The following CNTN1 variants were observed in gnomAD, a reference collection of about 807,000 sequenced individuals.
CNTN1 encodes the protein contactin 1, also known as contactin-1.
In CNTN1, 38 loss-of-function variants were observed where a neutral mutation model predicts 126.4. The observed-to-expected ratio is 0.30, with a 90% CI of 0.23 to 0.39. The LOEUF is 0.39. Among genes scored for constraint, CNTN1 ranks in the 10% least tolerant of loss-of-function variants. The pLI, the probability that CNTN1 is intolerant of heterozygous loss-of-function variation, is 1.00. For missense variants in CNTN1, 1,009 were observed against 1,248.4 expected (o/e 0.81, Z 2.89); for synonymous variants, 413 against 422.6 (o/e 0.98, Z 0.28).
rs1044278060 is a variant in CNTN1, at chr12:40,836,186, A to G, written c.-76-72171A>G. Among the ~76,000 whole-genome samples, 9 of 147,922 alleles carry G rather than the reference A, an allele frequency of 6.1e-5. No homozygotes were observed. In the East Asian group the frequency reaches 1.4e-3, roughly 22 times the overall value. On this transcript the variant is annotated intron_variant, in intron 1 of 23. Coordinates refer to ENST00000551295, the MANE Select transcript of CNTN1 (RefSeq NM_001843.4). ...TATAATCGTATATATGTGTATATATAGTATATATGTATAAATAATATATAT... is the reference window on the plus strand; with the variant it reads ...TATAATCGTATATATGTGTATATATGGTATATATGTATAAATAATATATAT...
intron 16 of CNTN1, among the ~76,000 whole-genome samples, chr12:40,981,552 T>G (rs1193561706): frequency 6.6e-6 from 1 of 152,116 alleles, no homozygotes; most frequent in Non-Finnish European, 1.5e-5. Flanking sequence ...CGGTTTGAAT[T>G]TCCTCAAAAC....
At chr12:40,722,005 T>C (rs1218007745) in intron 1 of CNTN1, among the ~76,000 whole-genome samples, 1 of 151,804 alleles carries the variant, frequency 6.6e-6, no homozygotes, top group Non-Finnish European at 1.5e-5. Context: ...AGTGCCGCAA[T>C]AAACATACGT....
At chr12:41,059,871 A>G (rs1949903182) in intron 23 of CNTN1, among the ~76,000 whole-genome samples, 2 of 152,214 alleles carry the variant, frequency 1.3e-5, no homozygotes, top group African/African-American at 4.8e-5. Context: ...CGAAAAATAT[A>G]AAAACTTAGC....
chr12:41,042,445 G>C (rs1949437344), intron 23 of CNTN1, among the ~76,000 whole-genome samples: 1 of 152,046 alleles, frequency 6.6e-6, no homozygotes, highest in African/African-American at 2.4e-5. Flanking sequence ...GCTTGGTGCA[G>C]AGCTGAGGTC....
intron 17 of CNTN1, among the ~76,000 whole-genome samples, chr12:41,008,023 C>G (rs186835907): frequency 2.0e-5 from 3 of 152,144 alleles, no homozygotes; most frequent in Non-Finnish European, 4.4e-5. Flanking sequence ...ATCGTTCCCC[C>G]CTCTGGAGTG....
chr12:40,759,465 CCTTTCT>C (rs1046858276), intron 1 of CNTN1, among the ~76,000 whole-genome samples: 2 of 150,658 alleles, frequency 1.3e-5, no homozygotes, highest in African/African-American at 4.9e-5. Context: ...CTTCCCTTTC[CCTTTCT>C]CTTTCTCTTT....
At chr12:40,830,388 G>C (rs1401093785) in intron 1 of CNTN1, among the ~76,000 whole-genome samples, 2 of 151,400 alleles carry the variant, frequency 1.3e-5, no homozygotes, top group East Asian at 3.9e-4. Flanking sequence ...AATCGTATTA[G>C]ATATAATTGG....
chr12:40,723,572 T>C (rs1942274627), intron 1 of CNTN1, among the ~76,000 whole-genome samples: 4 of 152,232 alleles, frequency 2.6e-5, no homozygotes, highest in Non-Finnish European at 5.9e-5. Context: ...AAGTGTTTTA[T>C]GAAACACTTG....
chr12:40,836,637 C>T (rs565671905), intron 1 of CNTN1, among the ~76,000 whole-genome samples: 1 of 152,178 alleles, frequency 6.6e-6, no homozygotes, highest in Admixed American at 6.5e-5. Context: ...GGATAACTTC[C>T]TCAATGAAGA....
intron 1 of CNTN1, among the ~76,000 whole-genome samples, chr12:40,788,082 C>T (rs1940094002): frequency 6.6e-6 from 1 of 152,074 alleles, no homozygotes; most frequent in South Asian, 2.1e-4. Context: ...ATTATATTAA[C>T]TCCAAACTTG....
intron 1 of CNTN1, among the ~76,000 whole-genome samples, chr12:40,786,431 C>G (rs974255116): frequency 1.3e-5 from 2 of 152,132 alleles, no homozygotes; most frequent in Non-Finnish European, 2.9e-5. Flanking sequence ...GTGTATGTCA[C>G]AGGGCTTTAC....
At chr12:40,977,801 GT>G (rs1306346560) in intron 15 of CNTN1, among the ~76,000 whole-genome samples, 1 of 150,530 alleles carries the variant, frequency 6.6e-6, no homozygotes, top group South Asian at 2.1e-4. Context: ...GTTTTGTTTT[GT>G]TTTGTTTTGT....
chr12:40,982,783 T>A (rs2074395551), intron 16 of CNTN1, among the ~76,000 whole-genome samples: 1 of 152,094 alleles, frequency 6.6e-6, no homozygotes, highest in South Asian at 2.1e-4. Context: ...GTAAGTCATG[T>A]GGTGATGAAT....
At chr12:41,064,427 A>T (rs1386421295) in intron 23 of CNTN1, among the ~76,000 whole-genome samples, 1 of 152,196 alleles carries the variant, frequency 6.6e-6, no homozygotes, top group African/African-American at 2.4e-5. Context: ...TATTTTATCC[A>T]ACTACTTTTC....
chr12:40,977,206 G>T (rs955750429), intron 15 of CNTN1, among the ~76,000 whole-genome samples: 3 of 152,108 alleles, frequency 2.0e-5, no homozygotes, highest in Non-Finnish European at 4.4e-5. Context: ...ATTGGCAATT[G>T]GTTGAAAGAG....
At chr12:41,051,524 G>A (rs1201925832) in intron 23 of CNTN1, among the ~76,000 whole-genome samples, 3 of 151,254 alleles carry the variant, frequency 2.0e-5, no homozygotes, top group African/African-American at 7.3e-5. Flanking sequence ...TAGACTGAGG[G>A]CAATTAAAAA....
intron 1 of CNTN1, among the ~76,000 whole-genome samples, chr12:40,881,057 T>C (rs7972764): frequency 0.098 from 14,949 of 151,962 alleles, 863 homozygotes; most frequent in Non-Finnish European, 0.13. Context: ...AAGAATTCAG[T>C]AATTTAGTGT....
intron 15 of CNTN1, among the ~76,000 whole-genome samples, chr12:40,961,162 G>A (rs951450861): frequency 6.6e-6 from 1 of 151,966 alleles, no homozygotes; most frequent in Non-Finnish European, 1.5e-5. Flanking sequence ...AGCATTTTAA[G>A]TCCTTGCACT....
chr12:40,841,787 AAGGCCGTAT>A (rs1942294170), intron 1 of CNTN1, among the ~76,000 whole-genome samples: 1 of 152,076 alleles, frequency 6.6e-6, no homozygotes, highest in African/African-American at 2.4e-5. Flanking sequence ...CAACATAATA[AAGGCCGTAT>A]AGGACAAACG....
Sources: gnomAD v4.1 joint callset for allele counts (sites outside exome capture counted in the v4.1 genomes callset) on GRCh38, gnomAD v4.1.1 for gene constraint, MANE v1.5 for transcripts, NCBI Gene and HGNC (gene_info 2026-07-23, HGNC 2026-07-21) for gene names.